The following CRAMP1 variants were observed in gnomAD, a reference collection of about 807,000 sequenced individuals.
CRAMP1 encodes protein cramped-like.
Under a neutral mutation model 115.4 loss-of-function variants are expected in CRAMP1, and 50 were observed. That is an observed-to-expected ratio of 0.43 (90% confidence interval 0.35 to 0.55). The LOEUF (loss-of-function observed/expected upper bound fraction) is 0.55. CRAMP1 is among the 20% of genes least tolerant of loss of function. The probability of loss-of-function intolerance (pLI) is 0.01; values close to 1 mark genes in which losing one functional copy is unlikely to be tolerated. For synonymous variants in CRAMP1, 866 were observed against 745.4 expected (o/e 1.16, Z -2.64); for missense variants, 1,679 against 1,721.7 (o/e 0.98, Z 0.44).
At chr16:1,641,090 TG>T in intron 5 of CRAMP1, 48 bp from the exon 6 acceptor site, 1 of 1,300,434 alleles carries the variant, frequency 7.7e-7, no homozygotes, top group Non-Finnish European at 1.1e-6. Context: ...TCAGTGGCTT[TG>T]CTCCTAACTA....
At chr16:1,664,332 G>C (rs773194458) in intron 13 of CRAMP1, among the ~76,000 whole-genome samples, 4 of 152,214 alleles carry the variant, frequency 2.6e-5, no homozygotes, top group Non-Finnish European at 4.4e-5. Flanking sequence ...TTTGGTGCCT[G>C]TGTGTTACAA....
In CRAMP1 at chr16:1,669,018, T is replaced by C. The variant is rs374312197; in HGVS notation, c.3352T>C (p.Ser1118Pro). The change falls in exon 19 of 21, where the codon TCT (serine) becomes CCT (proline). Residue 1118 changes from serine to proline, a missense_variant. Around this residue, in one of 8 missense-constraint regions of CRAMP1, gnomAD observed 709 missense variants for 741.9 expected, o/e 0.96. Coordinates refer to ENST00000397412, the MANE Select transcript of CRAMP1 (RefSeq NM_020825.4). This position sits in a 1 kb window ranked among gnomAD's most constrained non-coding sequence, Gnocchi z 4.6. The part of the protein sequence containing the change: ...SGQYGEGVPL[S>P]PAKLNGSDSS... ...GTTGGCAGGTGAAGGAGTCCCTCTT[T>C]CTCCAGCAAAACTGAATGGCAGTGA... The C allele has an allele frequency of 3.1e-6, 5 of 1,612,764 alleles. No homozygotes were observed. Among genetic ancestry groups the C allele is most frequent in the Non-Finnish European group, 4.2e-6 (5 of 1,179,436 alleles).
chr16:1,666,622 T>C lies in CRAMP1; in HGVS notation c.3036+22T>C. 1 of 1,604,492 alleles carries C rather than the reference T, an allele frequency of 6.2e-7. No homozygotes were observed. On this transcript the variant is annotated intron_variant, in intron 16 of 20. Coordinates refer to ENST00000397412, the MANE Select transcript of CRAMP1 (RefSeq NM_020825.4). The surrounding 1 kb of genome is among the most constrained non-coding windows in gnomAD (Gnocchi z 5.0). ...GGGGGTGAGTATGTTTAGAAGGGCTTTTCAGCATTACCACCAACTTCTGGT... is the reference window on the plus strand; with the variant it reads ...GGGGGTGAGTATGTTTAGAAGGGCTCTTCAGCATTACCACCAACTTCTGGT...
intron 6 of CRAMP1, among the ~76,000 whole-genome samples, chr16:1,651,992 C>T (rs904747051): frequency 2.0e-5 from 3 of 151,220 alleles, no homozygotes; most frequent in Admixed American, 1.3e-4. Context: ...GGACTGAGGT[C>T]ACAGGTCATG....
At chr16:1,661,593 A>T (rs1313872798) in intron 11 of CRAMP1, among the ~76,000 whole-genome samples, 1 of 127,664 alleles carries the variant, frequency 7.8e-6, no homozygotes, top group Non-Finnish European at 1.6e-5. Flanking sequence ...CTATGAAAGA[A>T]TTTTTTTTTT....
At position 1,672,207 on chromosome 16, in the gene CRAMP1, T is replaced by C. The variant is rs1277097023; in HGVS notation, c.3645+1398T>C. ...CCCCAATCAGAATTTGCACCTTTAA[T>C]AAAATCCTGGGCAACAGATGGCACT... is the stretch of plus-strand genomic sequence containing the variant. On this transcript the variant is annotated intron_variant, in intron 20 of 20. Transcript: ENST00000397412. This position sits in a 1 kb window ranked among gnomAD's most constrained non-coding sequence, Gnocchi z 4.9. 6.6e-6 allele frequency among the ~76,000 whole-genome samples: 1 copy of C among 152,196 alleles called. No homozygotes were observed. The highest frequency in any genetic ancestry group is 1.5e-5 in the Non-Finnish European group (1 of 68,036).
chr16:1,644,994 A>C (rs972926302), intron 6 of CRAMP1, among the ~76,000 whole-genome samples: 1 of 149,424 alleles, frequency 6.7e-6, no homozygotes, highest in East Asian at 2.0e-4. Context: ...GATCCTTCAC[A>C]CCTGACCCAT....
Position 1,656,050 on chromosome 16 carries a change from G to A in CRAMP1, c.1293G>A (p.Arg431=), listed in dbSNP as rs1315925490. Residue 431 remains arginine, a synonymous_variant, in exon 10 of 21, where the codon CGG becomes CGA. Coordinates refer to ENST00000397412, the MANE Select transcript of CRAMP1 (RefSeq NM_020825.4). The surrounding 1 kb of genome is among the most constrained non-coding windows in gnomAD (Gnocchi z 5.6). ...FCTVHWQEGG[R]CKQSAKDAHV... ...CAGTGCACTGGCAGGAGGGCGGCCG[G>A]TGCAAGCAGAGTGCCAAGGACGCCC... The A allele has an allele frequency of 1.9e-6, 3 of 1,611,634 alleles. No individual in the cohort carries two copies. The East Asian group carries it at 6.7e-5, about 36-fold the overall frequency.
At position 1,626,108 on chromosome 16, in the gene CRAMP1, G is replaced by A; in HGVS notation, c.482G>A (p.Arg161Gln). 1 of 1,550,376 alleles carries A rather than the reference G, an allele frequency of 6.5e-7. No homozygotes were observed. The highest frequency in any genetic ancestry group is 8.7e-7 in the Non-Finnish European group (1 of 1,146,286). Residue 161 changes from arginine to glutamine, a missense_variant, in exon 3 of 21, where the codon CGG becomes CAG. Around this residue, in one of 8 missense-constraint regions of CRAMP1, gnomAD observed 44 missense variants for 92.4 expected, o/e 0.48. Transcript: ENST00000397412. The part of the protein sequence containing the change: ...GEKEEGKKVR[R>Q]QWESWSTEDK... ...AAGGAAGAAGGCAAAAAGGTCCGGC[G>A]GCAGTGGGAGTCGTGGAGCACAGAG...
Position 1,675,704 on chromosome 16 carries a change from G to C in CRAMP1, c.*1659G>C, listed in dbSNP as rs777026474. ...GAGAGGACAGTGAACTTCCAGGCAA[G>C]AGCTTCCTTCTTTTGTCTCACGAGT... On this transcript the variant is annotated 3_prime_UTR_variant, in exon 21 of 21. Coordinates refer to ENST00000397412, the MANE Select transcript of CRAMP1 (RefSeq NM_020825.4). 5 of 152,280 alleles carry C rather than the reference G, an allele frequency of 3.3e-5. No individual in the cohort carries two copies. Among genetic ancestry groups the C allele is most frequent in the Non-Finnish European group, 7.3e-5 (5 of 68,068 alleles). 9.4% of individuals were successfully genotyped at this position (152,280 alleles called of 1,614,324 possible).
chr16:1,654,292 A>G (rs2036750678), intron 8 of CRAMP1, among the ~76,000 whole-genome samples: 1 of 147,464 alleles, frequency 6.8e-6, no homozygotes, highest in Admixed American at 6.8e-5. Context: ...GCTCACTGCA[A>G]CCTCCGTCTC....
intron 6 of CRAMP1, 143 bp from the exon 7 acceptor site, chr16:1,652,353 A>G (rs1373125857): frequency 1.6e-5 from 10 of 639,238 alleles, no homozygotes; most frequent in African/African-American, 3.7e-5. Context: ...GTGTCCTCCC[A>G]CTGTCCTACG....
intron 2 of CRAMP1, among the ~76,000 whole-genome samples, chr16:1,625,368 C>A (rs1218396892): frequency 6.6e-6 from 1 of 152,044 alleles, no homozygotes; most frequent in African/African-American, 2.4e-5. Context: ...GGAACTGATG[C>A]TATAATAGGA....
intron 5 of CRAMP1, 120 bp downstream of exon 5, chr16:1,638,027 G>A: frequency 4.2e-6 from 2 of 480,196 alleles, no homozygotes; most frequent in East Asian, 6.9e-5. Context: ...AATTTTACTA[G>A]AAGAGGTGAA....
Position 1,614,514 on chromosome 16 carries a change from C to T in CRAMP1, c.-1-125C>T, listed in dbSNP as rs1320285526. The T allele has an allele frequency of 9.3e-6, 4 of 430,466 alleles. No individual in the cohort carries two copies. The highest frequency in any genetic ancestry group is 1.3e-5 in the Non-Finnish European group (4 of 298,654). The allele number at this position is 430,466 out of a possible 1,614,324, so 26.7% of individuals were successfully genotyped here. A position where few individuals can be genotyped will look rare whatever the true frequency, so the allele number is the denominator to read the frequency against. On this transcript the variant is annotated intron_variant, in intron 1 of 20. Transcript: ENST00000397412. This position sits in a 1 kb window ranked among gnomAD's most constrained non-coding sequence, Gnocchi z 4.4. ...GCGGGCTCGGGCGGGCTCGGGCGGG[C>T]CGGGCCGAGCCGCCGAGAGGGGATT...
At position 1,614,602 on chromosome 16, in the gene CRAMP1, C is replaced by G. The variant is rs2036400477; in HGVS notation, c.-1-37C>G. The G allele has an allele frequency of 8.4e-7, 1 of 1,196,432 alleles. No individual in the cohort carries two copies. Among genetic ancestry groups the G allele is most frequent in the Non-Finnish European group, 1.0e-6 (1 of 955,262 alleles). 74.1% of individuals were successfully genotyped at this position (1,196,432 alleles called of 1,614,324 possible). The stretch of plus-strand genomic sequence containing the variant: ...GGGCCGCTAAACTTCCCGGCCTGCG[C>G]CCGCCTCACCGGCCGCCTCCCCTCT... On this transcript the variant is annotated intron_variant, in intron 1 of 20. Transcript: ENST00000397412. The surrounding 1 kb of genome is among the most constrained non-coding windows in gnomAD (Gnocchi z 4.4).
chr16:1,625,702 C>T (rs1165379757), intron 2 of CRAMP1: 5 of 340,090 alleles, frequency 1.5e-5, no homozygotes, highest in African/African-American at 8.6e-5. Flanking sequence ...TAGGCTGCAG[C>T]GTCATTGTGC....
At chr16:1,647,245 C>G (rs1417236947) in intron 6 of CRAMP1, among the ~76,000 whole-genome samples, 1 of 152,174 alleles carries the variant, frequency 6.6e-6, no homozygotes, top group Non-Finnish European at 1.5e-5. Context: ...GAGTAAAGCT[C>G]TAAACTAAAG....
intron 4 of CRAMP1, among the ~76,000 whole-genome samples, chr16:1,634,161 TAG>T (rs1379947269): frequency 6.6e-6 from 1 of 152,142 alleles, no homozygotes; most frequent in Non-Finnish European, 1.5e-5. Context: ...AGATGAGGTA[TAG>T]AGAGAGGGAT....
Sources: gnomAD v4.1 joint callset for allele counts (sites outside exome capture counted in the v4.1 genomes callset) on GRCh38, gnomAD v4.1.1 for gene constraint, gnomAD v4.1.1 regional missense constraint, Gnocchi (gnomAD v3.1) non-coding constraint, MANE v1.5 for transcripts, NCBI Gene and HGNC (gene_info 2026-07-23, HGNC 2026-07-21) for gene names.